The following TNFRSF10A variants were observed in gnomAD, a reference collection of about 807,000 sequenced individuals.
TNFRSF10A encodes the protein TNF receptor superfamily member 10a, also known as tumor necrosis factor receptor superfamily member 10A.
A neutral mutation model predicts 42.8 loss-of-function variants in TNFRSF10A; 44 were observed. That is an observed-to-expected ratio of 1.03 (90% CI 0.81 to 1.32). The LOEUF is 1.32. Ranked by LOEUF, TNFRSF10A falls within the 40% of genes most tolerant of loss-of-function variation. The pLI is 0.00. For missense variants in TNFRSF10A, 680 were observed against 602.0 expected, an observed-to-expected ratio of 1.13 and a Z score of -1.36; for synonymous variants, 259 against 234.2, an observed-to-expected ratio of 1.11 and a Z score of -0.97.
intron 1 of TNFRSF10A, among the ~76,000 whole-genome samples, chr8:23,216,647 C>T (rs1801187394): frequency 6.6e-6 from 1 of 151,160 alleles, no homozygotes; most frequent in African/African-American, 2.4e-5. Flanking sequence ...GAGGCTGAGA[C>T]AGGAGAATCA....
intron 2 of TNFRSF10A, chr8:23,207,243 C>T (rs1801028278): frequency 3.4e-6 from 2 of 596,494 alleles, no homozygotes; most frequent in Non-Finnish European, 6.4e-6. Context: ...TGTGAAGAAG[C>T]TCTATGATGT....
intron 9 of TNFRSF10A, among the ~76,000 whole-genome samples, chr8:23,196,462 C>T (rs1213302782): frequency 2.0e-5 from 3 of 152,160 alleles, no homozygotes; most frequent in Admixed American, 2.0e-4. Context: ...TCCCAAAGTA[C>T]TGGGATTACA....
intron 2 of TNFRSF10A, among the ~76,000 whole-genome samples, chr8:23,205,711 CTTTTTTTTT>C (rs35059862): frequency 7.6e-6 from 1 of 130,862 alleles, no homozygotes; most frequent in Non-Finnish European, 1.6e-5. Flanking sequence ...GTCTGTGTTT[CTTTTTTTTT>C]TTTTTTTTGA....
Position 23,225,096 on chromosome 8 carries a change from C to A in TNFRSF10A, c.-35G>T. 6.8e-7 allele frequency: 1 copy of A among 1,472,792 alleles called. No homozygotes were observed. Among genetic ancestry groups the A allele is most frequent in the Middle Eastern group, 1.8e-4 (1 of 5,530 alleles). 91.2% of individuals were successfully genotyped at this position (1,472,792 alleles called of 1,614,324 possible). A position where few individuals can be genotyped will look rare whatever the true frequency, so the allele number is the denominator to read the frequency against. On this transcript the variant is annotated 5_prime_UTR_variant, in exon 1 of 10. Transcript: ENST00000221132. Reference sequence around the variant, plus strand: ...TCAATCCAAGAAGCAGCGTGCTTGGCTATGACAAGACAGAACTTCGCATTC... The same window carrying A: ...TCAATCCAAGAAGCAGCGTGCTTGGATATGACAAGACAGAACTTCGCATTC...
intron 2 of TNFRSF10A, 59 bp from the exon 3 acceptor site, chr8:23,202,820 GC>G: frequency 8.1e-7 from 1 of 1,231,242 alleles, no homozygotes; most frequent in South Asian, 1.2e-5. Context: ...GAGGATCGTG[GC>G]GGTGGCTAGG....
rs1800920949 is a variant in TNFRSF10A at position 23,201,738 on chromosome 8, G to C, written c.629+70C>G. The C allele has an allele frequency of 1.1e-5, 15 of 1,365,142 alleles. No homozygotes were observed. In the East Asian group the frequency reaches 3.9e-4, roughly 35 times the overall value. The allele number at this position is 1,365,142 out of a possible 1,614,324, so 84.6% of individuals were successfully genotyped here. ...ATAGATACGGGTACAAGGAGACTCG[G>C]GTCTTTTTAGGGTTCCTTGCTTCTG... On this transcript the variant is annotated intron_variant, in intron 4 of 9. Coordinates refer to ENST00000221132, the MANE Select transcript of TNFRSF10A (RefSeq NM_003844.4).
Position 23,200,522 on chromosome 8 carries a change from C to T in TNFRSF10A, c.782G>A (p.Cys261Tyr), listed in dbSNP as rs1436080140. Residue 261 changes from cysteine to tyrosine, a missense_variant, in exon 6 of 10, where the codon TGT (cysteine) becomes TAT (tyrosine). Transcript: ENST00000221132. ...GCACCTACCTGAGCCGATGCAACAA[C>T]AGACAATCAGCACAGCCACCAACAG... The part of the protein sequence containing the change: ...PLLLVAVLIV[C>Y]CCIGSGCGGD... 1.9e-6 allele frequency: 3 copies of T among 1,614,196 alleles called. No individual in the cohort carries two copies. Among genetic ancestry groups the T allele is most frequent in the Admixed American group, 1.7e-5 (1 of 60,030 alleles).
At chr8:23,194,206 A>G (rs1800793486) in intron 9 of TNFRSF10A, among the ~76,000 whole-genome samples, 1 of 152,182 alleles carries the variant, frequency 6.6e-6, no homozygotes, top group Non-Finnish European at 1.5e-5. Flanking sequence ...GTGTGCATAT[A>G]GGTCTAGATG....
At chr8:23,214,349 G>T (rs140640873) in intron 1 of TNFRSF10A, among the ~76,000 whole-genome samples, 4,034 of 152,000 alleles carry the variant, frequency 0.027, 176 homozygotes, top group African/African-American at 0.084. Context: ...TTAACCGGGC[G>T]TGGTGGCGGG....
chr8:23,216,483 CCTGTAATCCCAG>C (rs1229628250), intron 1 of TNFRSF10A, among the ~76,000 whole-genome samples: 1 of 152,170 alleles, frequency 6.6e-6, no homozygotes. Flanking sequence ...GTGGCTCACG[CCTGTAATCCCAG>C]CACTTTGGGA....
chr8:23,195,157 T>A (rs1477869484), intron 9 of TNFRSF10A, among the ~76,000 whole-genome samples: 1 of 152,160 alleles, frequency 6.6e-6, no homozygotes, highest in African/African-American at 2.4e-5. Context: ...AGACTCTGTC[T>A]CAAAACAAAA....
chr8:23,201,751 T>C, intron 4 of TNFRSF10A, 57 bp downstream of exon 4: 1 of 1,480,306 alleles, frequency 6.8e-7, no homozygotes, highest in Middle Eastern at 1.7e-4. Flanking sequence ...CTTTTTAGGG[T>C]TCCTTGCTTC....
intron 2 of TNFRSF10A, among the ~76,000 whole-genome samples, chr8:23,204,194 C>T (rs1269782918): frequency 1.3e-5 from 2 of 152,184 alleles, no homozygotes; most frequent in Non-Finnish European, 2.9e-5. Context: ...AATAAAGCTT[C>T]TTGCTTATGC....
At chr8:23,222,086 C>T (rs1315851768) in intron 1 of TNFRSF10A, among the ~76,000 whole-genome samples, 4 of 152,104 alleles carry the variant, frequency 2.6e-5, no homozygotes, top group Non-Finnish European at 4.4e-5. Flanking sequence ...ACCGTGTTAG[C>T]CAGGATGGTC....
chr8:23,209,540 G>A (rs943222108), intron 2 of TNFRSF10A, among the ~76,000 whole-genome samples: 6 of 152,204 alleles, frequency 3.9e-5, no homozygotes, highest in African/African-American at 1.2e-4. Flanking sequence ...ATGGGAACCC[G>A]CCTCTTGCAT....
chr8:23,196,492 G>A (rs772685186), intron 9 of TNFRSF10A, among the ~76,000 whole-genome samples: 11 of 152,082 alleles, frequency 7.2e-5, no homozygotes, highest in African/African-American at 1.7e-4. Flanking sequence ...CACCGTGCCC[G>A]GCCCACATTG....
At chr8:23,213,009 T>C (rs1801110889) in intron 1 of TNFRSF10A, among the ~76,000 whole-genome samples, 1 of 152,214 alleles carries the variant, frequency 6.6e-6, no homozygotes, top group East Asian at 1.9e-4. Flanking sequence ...GACGTCATCA[T>C]TGAAGCCAAC....
At chr8:23,200,000 G>A (rs1800884478) in intron 6 of TNFRSF10A, 83 bp from the exon 7 acceptor site, 1 of 1,543,918 alleles carries the variant, frequency 6.5e-7, no homozygotes, top group Non-Finnish European at 8.9e-7. Context: ...GGGCAGGGGT[G>A]GGCTGGGGGC....
chr8:23,221,577 G>A (rs150056578), intron 1 of TNFRSF10A, among the ~76,000 whole-genome samples: 5 of 152,294 alleles, frequency 3.3e-5, no homozygotes, highest in African/African-American at 1.2e-4. Flanking sequence ...GACAGTCTGA[G>A]GACAGAGACA....
Sources: gnomAD v4.1 joint callset for allele counts (sites outside exome capture counted in the v4.1 genomes callset) on GRCh38, gnomAD v4.1.1 for gene constraint, MANE v1.5 for transcripts, NCBI Gene and HGNC (gene_info 2026-07-23, HGNC 2026-07-21) for gene names.